Variants in MTO1 observed in about 807,000 individuals in gnomAD.
The protein encoded by MTO1 is mitochondrial tRNA translation optimization 1.
Under a neutral mutation model 71.6 loss-of-function variants are expected in MTO1, and 46 were observed. The observed-to-expected ratio is 0.64, with a 90% CI of 0.51 to 0.82. MTO1 has a LOEUF of 0.82. MTO1 is among the 40% of genes least tolerant of loss of function. The pLI, the probability that MTO1 is intolerant of heterozygous loss-of-function variation, is 0.00. For synonymous variants in MTO1, 297 were observed against 312.1 expected (o/e 0.95, Z 0.51); for missense variants, 773 against 867.5 (o/e 0.89, Z 1.37).
Position 73,502,206 on chromosome 6 carries a change from G to C in MTO1, c.*1471G>C, listed in dbSNP as rs1030250314. On this transcript the variant is annotated 3_prime_UTR_variant, in exon 12 of 12. Transcript: ENST00000498286. ...CGCCTGTAATCCCAGCACTTTGGGA[G>C]GCTGAGGCGGGTGGATAACCTGAAG... is the stretch of plus-strand genomic sequence containing the variant. The C allele has an allele frequency of 3.3e-5, 5 of 152,220 alleles. No homozygotes were observed. Among genetic ancestry groups the C allele is most frequent in the African/African-American group, 1.2e-4 (5 of 41,442 alleles). The allele number at this position is 152,220 out of a possible 1,614,324, so 9.4% of individuals were successfully genotyped here. A position where few individuals can be genotyped will look rare whatever the true frequency, so the allele number is the denominator to read the frequency against.
intron 3 of MTO1, among the ~76,000 whole-genome samples, chr6:73,472,841 TTA>T (rs1400536594): frequency 6.6e-6 from 1 of 152,188 alleles, no homozygotes; most frequent in African/African-American, 2.4e-5. Context: ...ATACAGTTTT[TTA>T]TATGTCTGTT....
At chr6:73,485,918 A>G (rs1431697436) in intron 9 of MTO1, among the ~76,000 whole-genome samples, 2 of 151,934 alleles carry the variant, frequency 1.3e-5, no homozygotes, top group Non-Finnish European at 2.9e-5. Context: ...ATGCATGTAC[A>G]TGTGCACCTA....
In MTO1 at chr6:73,480,767, A is replaced by G. The variant is rs149407452; in HGVS notation, c.1222A>G (p.Ile408Val). ...LVQRLFFAGQ[I>V]NGTTGYEEAA... The stretch of plus-strand genomic sequence containing the variant: ...TCAACGACTCTTCTTTGCTGGACAG[A>G]TCAATGGCACCACTGGTTATGAGGA... The change falls in exon 7 of 12, where the codon ATC (isoleucine) becomes GTC (valine). Residue 408 changes from isoleucine to valine, a missense_variant. Transcript: ENST00000498286. 60 of 1,613,908 alleles carry G rather than the reference A, an allele frequency of 3.7e-5. No individual in the cohort carries two copies. The highest frequency in any genetic ancestry group is 2.0e-4 in the Admixed American group (12 of 59,944).
intron 3 of MTO1, 103 bp downstream of exon 3, chr6:73,466,709 C>G: frequency 1.0e-6 from 1 of 991,740 alleles, no homozygotes; most frequent in Non-Finnish European, 1.5e-6. Flanking sequence ...ATTCAAGGAA[C>G]TTGTTGCATT....
chr6:73,462,438 A>C (rs555784074), intron 1 of MTO1: 4 of 233,002 alleles, frequency 1.7e-5, no homozygotes, highest in Admixed American at 5.2e-5. Context: ...ATTATTAACA[A>C]TGGTTTATGG....
At chr6:73,464,858 A>C (rs1237274538) in intron 1 of MTO1, among the ~76,000 whole-genome samples, 1 of 149,880 alleles carries the variant, frequency 6.7e-6, no homozygotes, top group Non-Finnish European at 1.5e-5. Flanking sequence ...AAAAAAAAAA[A>C]AAACTTTTGG....
Position 73,500,680 on chromosome 6 carries a change from C to G in MTO1, c.2024C>G (p.Ser675Cys), listed in dbSNP as rs1294719457. 3.7e-6 allele frequency: 6 copies of G among 1,612,642 alleles called. No homozygotes were observed. The East Asian group carries it at 8.9e-5, about 24-fold the overall frequency. Reference sequence around the variant, plus strand: ...AGACAGTCGGCTATGAATGAATCATCCAAGACTGATCAATACTTATGTGAT... The same window carrying G: ...AGACAGTCGGCTATGAATGAATCATGCAAGACTGATCAATACTTATGTGAT... ...QRRQSAMNES[S>C]KTDQYLCDAD... is the part of the protein sequence containing the mutation. The change falls in exon 12 of 12, where the codon TCC becomes TGC. Residue 675 changes from serine (S) to cysteine (C), a missense_variant. Transcript: ENST00000498286.
chr6:73,463,274 G>T (rs1302125117), intron 1 of MTO1, among the ~76,000 whole-genome samples: 2 of 151,502 alleles, frequency 1.3e-5, no homozygotes, highest in South Asian at 2.1e-4. Context: ...CTTGTGATCC[G>T]CCCGCCTCGG....
chr6:73,504,432 C>G lies in MTO1; in HGVS notation c.*3697C>G, dbSNP rs1349464735. 1 of 152,134 alleles carries G rather than the reference C, an allele frequency of 6.6e-6. No homozygotes were observed. Among genetic ancestry groups the G allele is most frequent in the East Asian group, 1.9e-4 (1 of 5,194 alleles). 9.4% of individuals were successfully genotyped at this position (152,134 alleles called of 1,614,324 possible). A position where few individuals can be genotyped will look rare whatever the true frequency, so the allele number is the denominator to read the frequency against. On this transcript the variant is annotated 3_prime_UTR_variant, in exon 12 of 12. Coordinates refer to ENST00000498286, the MANE Select transcript of MTO1 (RefSeq NM_012123.4). ...AGGCATGAGCCACCATGTGCCTGGC[C>G]CTACCTTAATGTTAATATCTGTCTA...
intron 9 of MTO1, among the ~76,000 whole-genome samples, chr6:73,483,273 G>A (rs1281141784): frequency 1.3e-5 from 2 of 151,964 alleles, no homozygotes; most frequent in African/African-American, 4.8e-5. Flanking sequence ...GCCGGGCGTG[G>A]TAGTGCACAC....
At chr6:73,473,036 T>C (rs1385548356) in intron 3 of MTO1, among the ~76,000 whole-genome samples, 1 of 152,066 alleles carries the variant, frequency 6.6e-6, no homozygotes, top group Non-Finnish European at 1.5e-5. Context: ...TCCCAGCGCT[T>C]TGGGAGGCAG....
At chr6:73,472,743 G>A (rs1771189371) in intron 3 of MTO1, among the ~76,000 whole-genome samples, 2 of 152,112 alleles carry the variant, frequency 1.3e-5, no homozygotes, top group Admixed American at 1.3e-4. Context: ...AACTATGTGA[G>A]GTGATGGTTA....
At chr6:73,462,510 C>T (rs996526238) in intron 1 of MTO1, among the ~76,000 whole-genome samples, 2 of 152,146 alleles carry the variant, frequency 1.3e-5, no homozygotes, top group Non-Finnish European at 2.9e-5. Flanking sequence ...AGGTGGATCA[C>T]CTGAGGTCAG....
intron 7 of MTO1, among the ~76,000 whole-genome samples, 193 bp from the exon 8 acceptor site, chr6:73,481,847 T>TTGTTTTC (rs1771502780): frequency 1.3e-5 from 2 of 152,154 alleles, no homozygotes; most frequent in African/African-American, 2.4e-5. Flanking sequence ...CAATGAATCA[T>TTGTTTTC]AGCCTTCTAA....
intron 10 of MTO1, 27 bp from the exon 11 acceptor site, chr6:73,497,709 T>C (rs748531966): frequency 6.2e-7 from 1 of 1,602,402 alleles, no homozygotes; most frequent in South Asian, 1.1e-5. Flanking sequence ...CTGGGTATTA[T>C]AACATGATTC....
rs976191786 is a variant in MTO1 at position 73,501,370 on chromosome 6, T to C, written c.*635T>C. On this transcript the variant is annotated 3_prime_UTR_variant, in exon 12 of 12. Coordinates refer to ENST00000498286, the MANE Select transcript of MTO1 (RefSeq NM_012123.4). ...CCATTGTTTCCTATTATCCACAGTGTGGATGGATACTTATTTGGTGACCTA... is the reference window on the plus strand; with the variant it reads ...CCATTGTTTCCTATTATCCACAGTGCGGATGGATACTTATTTGGTGACCTA... 1.3e-5 allele frequency: 2 copies of C among 152,218 alleles called. No individual in the cohort carries two copies. Among genetic ancestry groups the C allele is most frequent in the African/African-American group, 4.8e-5 (2 of 41,454 alleles). The allele number at this position is 152,218 out of a possible 1,614,324, so 9.4% of individuals were successfully genotyped here. A position where few individuals can be genotyped will look rare whatever the true frequency, so the allele number is the denominator to read the frequency against.
chr6:73,462,131 C>A, intron 1 of MTO1, 60 bp downstream of exon 1: 1 of 1,559,484 alleles, frequency 6.4e-7, no homozygotes, highest in Non-Finnish European at 8.8e-7. Context: ...CTTCCCGCCT[C>A]CCCCGGTCTG....
chr6:73,481,665 G>A (rs1771495163), intron 7 of MTO1, among the ~76,000 whole-genome samples: 1 of 152,050 alleles, frequency 6.6e-6, no homozygotes, highest in African/African-American at 2.4e-5. Flanking sequence ...CTACTTGGGG[G>A]GATGAGGTGG....
At chr6:73,471,489 G>T (rs572931549) in intron 3 of MTO1, 8 of 448,124 alleles carry the variant, frequency 1.8e-5, no homozygotes, top group African/African-American at 1.4e-4. Flanking sequence ...ATCACAGCTC[G>T]CTGTAGCCTC....
Sources: allele counts gnomAD v4.1 joint callset (sites outside exome capture counted in the v4.1 genomes callset), GRCh38; gene constraint gnomAD v4.1.1; transcripts MANE v1.5; gene names NCBI Gene and HGNC (gene_info 2026-07-23, HGNC 2026-07-21).